Variants in MBD5 observed in about 807,000 individuals in gnomAD.
The protein encoded by MBD5 is methyl-CpG binding domain protein 5.
MBD5 carries 13 observed loss-of-function variants against 117.3 expected under a neutral mutation model. That is an observed-to-expected ratio of 0.11 (90% CI 0.07 to 0.18). MBD5 has a LOEUF of 0.18. Ranked by LOEUF, MBD5 falls within the 10% of genes least tolerant of loss-of-function variation. MBD5 has a pLI of 1.00. For missense variants in MBD5, 1,879 were observed against 2,093.8 expected, an observed-to-expected ratio of 0.90 and a Z score of 2.00; for synonymous variants, 727 against 766.4, an observed-to-expected ratio of 0.95 and a Z score of 0.85.
At chr2:148,338,845 C>G (rs1175971705) in intron 3 of MBD5, among the ~76,000 whole-genome samples, 1 of 152,096 alleles carries the variant, frequency 6.6e-6, no homozygotes, top group African/African-American at 2.4e-5. Flanking sequence ...AGGCAGAAAA[C>G]AAACACAAAC....
chr2:148,029,958 T>A (rs762413576), intron 1 of MBD5, among the ~76,000 whole-genome samples: 1 of 152,070 alleles, frequency 6.6e-6, no homozygotes, highest in African/African-American at 2.4e-5. Flanking sequence ...GATGGAAATA[T>A]TAAAAGAAGC....
intron 6 of MBD5, 138 bp downstream of exon 6, chr2:148,462,822 G>C: frequency 1.5e-6 from 1 of 668,858 alleles, no homozygotes; most frequent in Admixed American, 2.6e-5. Flanking sequence ...CTCATATTTT[G>C]CATGTGTTTT....
At chr2:148,291,961 G>A (rs2106430942) in intron 3 of MBD5, among the ~76,000 whole-genome samples, 1 of 152,270 alleles carries the variant, frequency 6.6e-6, no homozygotes, top group Non-Finnish European at 1.5e-5. Context: ...AGCATACGCT[G>A]AGGGAAAAGA....
At position 148,074,491 on chromosome 2, in the gene MBD5, T is replaced by G. The variant is rs575933627; in HGVS notation, c.-925+52807T>G. Among the ~76,000 whole-genome samples the G allele has an allele frequency of 4.2e-3, 560 of 134,426 alleles. 9 individuals are homozygous for G. Among genetic ancestry groups the G allele is most frequent in the South Asian group, 0.013 (56 of 4,206 alleles). 88.2% of individuals were successfully genotyped at this position (134,426 alleles called of 152,430 possible). A position where few individuals can be genotyped will look rare whatever the true frequency, so the allele number is the denominator to read the frequency against. The stretch of plus-strand genomic sequence containing the variant: ...CCTTCAAAGGAATAGTTTGTTTTTT[T>G]TTTGTTTTTTTTTTTGTTTTTTTTT... On this transcript the variant is annotated intron_variant, in intron 1 of 13. Transcript: ENST00000642680.
chr2:148,423,617 C>A (rs1347274786), intron 4 of MBD5, among the ~76,000 whole-genome samples: 2 of 152,034 alleles, frequency 1.3e-5, no homozygotes, highest in East Asian at 1.9e-4. Context: ...TAAAGACCAT[C>A]GACACTATGA....
intron 1 of MBD5, among the ~76,000 whole-genome samples, chr2:148,153,506 G>T (rs1161540547): frequency 1.1e-5 from 1 of 89,288 alleles, no homozygotes; most frequent in Admixed American, 1.3e-4. Flanking sequence ...GATTGGGGAA[G>T]TTCTCCTGGA....
intron 2 of MBD5, among the ~76,000 whole-genome samples, chr2:148,226,852 T>C (rs986928099): frequency 6.6e-6 from 1 of 152,258 alleles, no homozygotes; most frequent in African/African-American, 2.4e-5. Flanking sequence ...TTTGCATTTC[T>C]CTGATGGCCA....
chr2:148,102,279 T>C (rs1218848948), intron 1 of MBD5, among the ~76,000 whole-genome samples: 3 of 152,190 alleles, frequency 2.0e-5, no homozygotes, highest in East Asian at 1.9e-4. Context: ...AGTTAAGATT[T>C]TACAAAGGCG....
chr2:148,453,651 G>T (rs536498379), intron 4 of MBD5, among the ~76,000 whole-genome samples: 2 of 151,946 alleles, frequency 1.3e-5, no homozygotes, highest in South Asian at 4.2e-4. Context: ...CTGTGAAATA[G>T]GTACTTCTAA....
rs1553518662 is a variant in MBD5 at position 148,469,785 on chromosome 2, T to C, written c.1842T>C (p.Thr614=). 2 of 1,614,004 alleles carry C rather than the reference T, an allele frequency of 1.2e-6. No homozygotes were observed. Among genetic ancestry groups the C allele is most frequent in the Non-Finnish European group, 1.7e-6 (2 of 1,179,896 alleles). ...NSGAVAGSGN[T]EGHSTLNTMF... ...GAGCTGTTGCCGGCAGTGGCAACACTGAAGGACATAGCACTTTAAACACCA... is the reference window on the plus strand; with the variant it reads ...GAGCTGTTGCCGGCAGTGGCAACACCGAAGGACATAGCACTTTAAACACCA... Residue 614 remains threonine (T), a synonymous_variant, in exon 8 of 14, where the codon ACT becomes ACC. Transcript: ENST00000642680.
At chr2:148,375,299 A>G (rs757650908) in intron 4 of MBD5, among the ~76,000 whole-genome samples, 2 of 152,226 alleles carry the variant, frequency 1.3e-5, no homozygotes, top group Non-Finnish European at 2.9e-5. Context: ...TAACAGCAAA[A>G]GGAACATGTT....
intron 4 of MBD5, among the ~76,000 whole-genome samples, chr2:148,419,304 G>T (rs1158869814): frequency 6.6e-6 from 1 of 152,094 alleles, no homozygotes; most frequent in Non-Finnish European, 1.5e-5. Context: ...GAAAAACTCT[G>T]TTGGACAACC....
At chr2:148,107,737 A>G (rs889728971) in intron 1 of MBD5, among the ~76,000 whole-genome samples, 1 of 152,024 alleles carries the variant, frequency 6.6e-6, no homozygotes, top group Non-Finnish European at 1.5e-5. Context: ...TATTGTATGT[A>G]TAGTGTGTAG....
At chr2:148,320,975 T>C (rs1390885070) in intron 3 of MBD5, among the ~76,000 whole-genome samples, 1 of 152,208 alleles carries the variant, frequency 6.6e-6, no homozygotes, top group South Asian at 2.1e-4. Flanking sequence ...TCCTTTTTAT[T>C]TTTTGTCTCT....
At chr2:148,286,416 T>C (rs1166016762) in intron 3 of MBD5, among the ~76,000 whole-genome samples, 1 of 152,208 alleles carries the variant, frequency 6.6e-6, no homozygotes, top group Non-Finnish European at 1.5e-5. Context: ...CAAGCAGACT[T>C]ACCCACATAA....
At chr2:148,053,378 A>G (rs1162356433) in intron 1 of MBD5, among the ~76,000 whole-genome samples, 1 of 152,178 alleles carries the variant, frequency 6.6e-6, no homozygotes, top group Non-Finnish European at 1.5e-5. Flanking sequence ...AAAATAAAAT[A>G]CACAACATGG....
intron 8 of MBD5, among the ~76,000 whole-genome samples, chr2:148,481,974 T>C (rs1187320690): frequency 6.6e-6 from 1 of 152,162 alleles, no homozygotes; most frequent in Non-Finnish European, 1.5e-5. Flanking sequence ...ACTGGTCTAA[T>C]TTAAAAAATC....
intron 2 of MBD5, among the ~76,000 whole-genome samples, chr2:148,207,739 C>T (rs1321799855): frequency 1.3e-5 from 2 of 149,948 alleles, no homozygotes; most frequent in Non-Finnish European, 1.5e-5. Context: ...GTAGATGACA[C>T]GATTATATAC....
chr2:148,343,402 G>A (rs1161304236), intron 4 of MBD5, among the ~76,000 whole-genome samples: 3 of 152,022 alleles, frequency 2.0e-5, no homozygotes, highest in Non-Finnish European at 4.4e-5. Flanking sequence ...CAGTATGTAA[G>A]CGTTCCCTTT....
Sources: allele counts gnomAD v4.1 joint callset (sites outside exome capture counted in the v4.1 genomes callset), GRCh38; gene constraint gnomAD v4.1.1; transcripts MANE v1.5; gene names NCBI Gene and HGNC (gene_info 2026-07-23, HGNC 2026-07-21).